The following ERC1 variants were observed in gnomAD, a reference collection of about 807,000 sequenced individuals.
The protein encoded by ERC1 is RAB6 interacting protein 2.
In ERC1, 56 loss-of-function variants were observed where a neutral mutation model predicts 132.0. That is an observed-to-expected ratio of 0.42 (90% CI 0.34 to 0.53). ERC1 has a LOEUF of 0.53. ERC1 is among the 20% of genes least tolerant of loss of function. The probability of loss-of-function intolerance (pLI) is 0.03; values close to 1 mark genes in which losing one functional copy is unlikely to be tolerated. For synonymous variants in ERC1, 478 were observed against 476.1 expected, an observed-to-expected ratio of 1.00 and a Z score of -0.05; for missense variants, 1,202 against 1,349.9, an observed-to-expected ratio of 0.89 and a Z score of 1.72.
chr12:1,371,948 G>C lies in ERC1; in HGVS notation c.2896G>C (p.Asp966His). The change falls in exon 16 of 19, where the codon GAT becomes CAT. Residue 966 changes from aspartate (D) to histidine (H), a missense_variant. Transcript: ENST00000360905. ...AGTGGCTGCCCTGAAGCGGGAGAAG[G>C]ATCGTCTGGTACAGCAGCTTAAGCA... Reference protein sequence around the residue: ...EEVAALKREKDRLVQQLKQQT... With the variant: ...EEVAALKREKHRLVQQLKQQT... The C allele has an allele frequency of 6.2e-7, 1 of 1,614,084 alleles. No homozygotes were observed. The highest frequency in any genetic ancestry group is 8.5e-7 in the Non-Finnish European group (1 of 1,180,052).
At chr12:1,077,442 C>T (rs1941528047) in intron 2 of ERC1, among the ~76,000 whole-genome samples, 1 of 152,192 alleles carries the variant, frequency 6.6e-6, no homozygotes, top group African/African-American at 2.4e-5. Flanking sequence ...TAATAAAAGT[C>T]ATAGGCCCTG....
At chr12:1,281,208 AT>A (rs1387846621) in intron 14 of ERC1, among the ~76,000 whole-genome samples, 1 of 152,110 alleles carries the variant, frequency 6.6e-6, no homozygotes, top group Non-Finnish European at 1.5e-5. Flanking sequence ...TGCAATAAAT[AT>A]TTTCTCCATT....
At chr12:1,165,169 A>G (rs1364974245) in intron 8 of ERC1, among the ~76,000 whole-genome samples, 2 of 152,202 alleles carry the variant, frequency 1.3e-5, no homozygotes, top group Non-Finnish European at 2.9e-5. Context: ...GATTTTGGCA[A>G]TTCACCTTGG....
intron 14 of ERC1, among the ~76,000 whole-genome samples, chr12:1,266,171 T>C (rs947937200): frequency 1.3e-5 from 2 of 152,134 alleles, no homozygotes; most frequent in African/African-American, 4.8e-5. Context: ...TGCTTTTAAT[T>C]GTATGCTTTT....
chr12:1,174,823 G>T (rs1044483710), intron 8 of ERC1, among the ~76,000 whole-genome samples: 2 of 152,048 alleles, frequency 1.3e-5, no homozygotes, highest in Admixed American at 6.5e-5. Context: ...GCTTTTCTTT[G>T]TATAAGACCT....
At chr12:1,146,749 T>C (rs1593700670) in intron 8 of ERC1, among the ~76,000 whole-genome samples, 1 of 150,796 alleles carries the variant, frequency 6.6e-6, no homozygotes, top group African/African-American at 2.5e-5. Flanking sequence ...GCATTAGGTA[T>C]ATCTCCTAAT....
chr12:1,467,982 T>G (rs2093779436), intron 18 of ERC1, among the ~76,000 whole-genome samples: 3 of 152,194 alleles, frequency 2.0e-5, no homozygotes, highest in African/African-American at 4.8e-5. Flanking sequence ...AAGCTTTGCT[T>G]CCTGGCTAGC....
chr12:1,291,565 C>T (rs2079452459), intron 15 of ERC1, among the ~76,000 whole-genome samples: 1 of 152,078 alleles, frequency 6.6e-6, no homozygotes, highest in South Asian at 2.1e-4. Flanking sequence ...CTGAAACATG[C>T]GTATGTGTGA....
At chr12:1,489,350 T>G (rs2094291891) in intron 18 of ERC1, among the ~76,000 whole-genome samples, 1 of 152,158 alleles carries the variant, frequency 6.6e-6, no homozygotes, top group African/African-American at 2.4e-5. Context: ...CAGACACTCT[T>G]AGGGCTGCCA....
intron 1 of ERC1, among the ~76,000 whole-genome samples, chr12:1,016,063 G>A (rs1372521076): frequency 1.3e-5 from 2 of 149,742 alleles, no homozygotes; most frequent in African/African-American, 4.9e-5. Flanking sequence ...AATAGCTAAT[G>A]GGTGGTATAT....
At position 1,290,030 on chromosome 12, in the gene ERC1, T is replaced by C. The variant is rs1204896365; in HGVS notation, c.2780+18T>C. 1 of 1,609,366 alleles carries C rather than the reference T, an allele frequency of 6.2e-7. No individual in the cohort carries two copies. The highest frequency in any genetic ancestry group is 1.3e-5 in the African/African-American group (1 of 74,968). Reference sequence around the variant, plus strand: ...GAGATGAAGTAAGTGTTTGTAGTCTTATTCTTCAAGCATATGCTTAGTGGA... The same window carrying C: ...GAGATGAAGTAAGTGTTTGTAGTCTCATTCTTCAAGCATATGCTTAGTGGA... On this transcript the variant is annotated intron_variant, in intron 15 of 18. Transcript: ENST00000360905.
At chr12:1,009,689 AAAAG>A (rs1592670445) in intron 1 of ERC1, among the ~76,000 whole-genome samples, 1 of 152,192 alleles carries the variant, frequency 6.6e-6, no homozygotes, top group Non-Finnish European at 1.5e-5. Context: ...TTTTTAGAAA[AAAAG>A]AAACATAATT....
chr12:1,035,912 A>G (rs1968978842), intron 2 of ERC1, among the ~76,000 whole-genome samples: 1 of 150,272 alleles, frequency 6.7e-6, no homozygotes, highest in Non-Finnish European at 1.5e-5. Context: ...ACAGAGCATG[A>G]CTCCGTCTCA....
intron 18 of ERC1, among the ~76,000 whole-genome samples, chr12:1,487,759 A>AGGAG (rs199534627): frequency 1.9e-3 from 175 of 91,672 alleles, no homozygotes; most frequent in South Asian, 0.011. Context: ...GTAGGAGGCA[A>AGGAG]GGAGGGAGGG....
At chr12:1,034,108 A>G (rs967742524) in intron 2 of ERC1, among the ~76,000 whole-genome samples, 2 of 152,126 alleles carry the variant, frequency 1.3e-5, no homozygotes, top group African/African-American at 2.4e-5. Context: ...AGATTGGTAA[A>G]TTTGGAGTAT....
chr12:1,099,122 T>C (rs995848493), intron 3 of ERC1, among the ~76,000 whole-genome samples: 1 of 152,138 alleles, frequency 6.6e-6, no homozygotes, highest in African/African-American at 2.4e-5. Context: ...GTTGTTTCAA[T>C]GGAGGGGTAG....
intron 12 of ERC1, among the ~76,000 whole-genome samples, chr12:1,194,978 G>C (rs1188340636): frequency 2.0e-5 from 3 of 151,900 alleles, no homozygotes; most frequent in Non-Finnish European, 2.9e-5. Flanking sequence ...GGTGTGTTTT[G>C]AAATTCAGCC....
intron 13 of ERC1, among the ~76,000 whole-genome samples, chr12:1,241,847 C>CTTTTTTTTTTTTTTTTT (rs57016547): frequency 6.2e-5 from 5 of 80,490 alleles, no homozygotes; most frequent in Non-Finnish European, 6.8e-5. Context: ...TCTTCTTCTT[C>CTTTTTTTTTTTTTTTTT]TTTTTTTTTT....
At chr12:1,382,836 T>C (rs926939335) in intron 16 of ERC1, among the ~76,000 whole-genome samples, 4 of 152,284 alleles carry the variant, frequency 2.6e-5, no homozygotes, top group East Asian at 1.9e-4. Flanking sequence ...TTAAAAAATA[T>C]TGCATTATGA....
Sources: allele counts gnomAD v4.1 joint callset (sites outside exome capture counted in the v4.1 genomes callset), GRCh38; gene constraint gnomAD v4.1.1; transcripts MANE v1.5; gene names NCBI Gene and HGNC (gene_info 2026-07-23, HGNC 2026-07-21).